Variants in DLST observed in about 807,000 individuals in gnomAD.
DLST encodes dihydrolipoamide S-succinyltransferase, also known as dihydrolipoyllysine-residue succinyltransferase component of 2-oxoglutarate dehydrogenase complex, mitochondrial.
DLST carries 17 observed loss-of-function variants against 53.1 expected under a neutral mutation model. That is an observed-to-expected ratio of 0.32 (90% CI 0.22 to 0.48). DLST has a LOEUF of 0.48. Among genes scored for constraint, DLST ranks in the 20% least tolerant of loss-of-function variants. DLST has a pLI of 0.99. For missense variants in DLST, 512 were observed against 583.9 expected, an observed-to-expected ratio of 0.88 and a Z score of 1.27; for synonymous variants, 206 against 204.8, an observed-to-expected ratio of 1.01 and a Z score of -0.05.
Position 74,898,377 on chromosome 14 carries a change from A to G in DLST, c.779A>G (p.Gln260Arg). ...TTGTAATATTTTCACAGTAACATCCAGGAGATGAGGGCTCGGCACAAAGAG... is the reference window on the plus strand; with the variant it reads ...TTGTAATATTTTCACAGTAACATCCGGGAGATGAGGGCTCGGCACAAAGAG... ...TFNEIDMSNI[Q>R]EMRARHKEAF... is the part of the protein sequence containing the mutation. The change falls in exon 11 of 15, where the codon CAG becomes CGG. Residue 260 changes from glutamine to arginine, a missense_variant. Gln to Arg is a conservative substitution (Grantham distance 43). Transcript: ENST00000334220. The G allele has an allele frequency of 1.2e-6, 2 of 1,611,746 alleles. No homozygotes were observed. Among genetic ancestry groups the G allele is most frequent in the African/African-American group, 1.3e-5 (1 of 74,942 alleles).
chr14:74,898,583 C>A (rs1047511674), intron 11 of DLST, 84 bp downstream of exon 11: 4 of 1,476,710 alleles, frequency 2.7e-6, no homozygotes, highest in East Asian at 2.4e-5. Context: ...AGAGGATCAA[C>A]AGACCAAGGC....
chr14:74,882,676 G>C, intron 2 of DLST, 52 bp downstream of exon 2: 2 of 1,557,032 alleles, frequency 1.3e-6, no homozygotes, highest in Non-Finnish European at 8.9e-7. Context: ...GGGCAGAGCA[G>C]TATGTGAGGA....
At position 74,901,054 on chromosome 14, in the gene DLST, A is replaced by C. The variant is rs745945051; in HGVS notation, c.1060-12A>C. On this transcript the variant is annotated splice_polypyrimidine_tract_variant and intron_variant, in intron 13 of 14. Transcript: ENST00000334220. ...GTTGGCTTGATATTTCAATTATGAA[A>C]TCTGTTTTTAGGCCCGAAAGAATGA... is the stretch of plus-strand genomic sequence containing the variant. The C allele has an allele frequency of 1.2e-5, 20 of 1,612,766 alleles. No homozygotes were observed. The highest frequency in any genetic ancestry group is 1.3e-5 in the Non-Finnish European group (15 of 1,179,478).
rs140349098 is a variant in DLST, at chr14:74,900,674, C to T, written c.1059+302C>T. 4.9e-4 allele frequency among the ~76,000 whole-genome samples: 74 copies of T among 152,334 alleles called. No individual in the cohort carries two copies. The Middle Eastern group carries it at 0.01, about 21-fold the overall frequency. On this transcript the variant is annotated intron_variant, in intron 13 of 14. Transcript: ENST00000334220. The stretch of plus-strand genomic sequence containing the variant: ...ACACCTTAGCCGAACAACTGTCACA[C>T]GGAAGCTAGCGCTTGTGCCATCGAT...
In DLST at chr14:74,894,300, T is replaced by C. The variant is rs1231067537; in HGVS notation, c.673-12T>C. ...ATCAGATTGTCAATGCTTGTTCCAC[T>C]CTTACTTTCAGGAGAAAATGAACAG... is the stretch of plus-strand genomic sequence containing the variant. On this transcript the variant is annotated splice_polypyrimidine_tract_variant and intron_variant, in intron 9 of 14. Transcript: ENST00000334220. 1.2e-6 allele frequency: 2 copies of C among 1,613,850 alleles called. No homozygotes were observed. The highest frequency in any genetic ancestry group is 2.2e-5 in the East Asian group (1 of 44,874).
At chr14:74,900,163 T>C in intron 12 of DLST, 126 bp from the exon 13 acceptor site, 1 of 1,108,568 alleles carries the variant, frequency 9.0e-7, no homozygotes, top group Non-Finnish European at 1.4e-6. Context: ...TTTAACACTT[T>C]CTGTTAATCA....
At chr14:74,902,014 G>C (rs907495977) in intron 14 of DLST, among the ~76,000 whole-genome samples, 182 bp from the exon 15 acceptor site, 2 of 152,210 alleles carry the variant, frequency 1.3e-5, no homozygotes, top group African/African-American at 4.8e-5. Flanking sequence ...CTTTGTTTCT[G>C]AGTGGGGAAG....
At chr14:74,892,781 G>T (rs768772241) in intron 7 of DLST, 53 bp from the exon 8 acceptor site, 206 of 1,534,586 alleles carry the variant, frequency 1.3e-4, no homozygotes, top group Non-Finnish European at 1.7e-4. Context: ...ATTTTGCTTG[G>T]TTGCTTCTCA....
chr14:74,895,109 C>T (rs974692258), intron 10 of DLST, among the ~76,000 whole-genome samples: 3 of 152,062 alleles, frequency 2.0e-5, no homozygotes, highest in Admixed American at 2.0e-4. Context: ...CATCTGTAGC[C>T]CCAGCTACTT....
chr14:74,895,411 C>T (rs1010457154), intron 10 of DLST, among the ~76,000 whole-genome samples: 1 of 152,210 alleles, frequency 6.6e-6, no homozygotes, highest in Non-Finnish European at 1.5e-5. Flanking sequence ...AGAAATTTGA[C>T]AAACGTGTTT....
intron 8 of DLST, 49 bp downstream of exon 8, chr14:74,893,035 A>G: frequency 6.4e-7 from 1 of 1,570,308 alleles, no homozygotes. Flanking sequence ...CTCGTCTAAT[A>G]TGTTCCTTCA....
Position 74,889,961 on chromosome 14 carries a change from A to G in DLST, c.330+9A>G, listed in dbSNP as rs765249158. 1 of 1,613,040 alleles carries G rather than the reference A, an allele frequency of 6.2e-7. No homozygotes were observed. The highest frequency in any genetic ancestry group is 1.3e-5 in the African/African-American group (1 of 74,938). The stretch of plus-strand genomic sequence containing the variant: ...AGATTGAAACTGACAAGGTAGGCTT[A>G]TCTTATATTCGTACCAGCTTTTCAT... On this transcript the variant is annotated intron_variant, in intron 6 of 14. Transcript: ENST00000334220.
At chr14:74,894,166 A>G in intron 9 of DLST, 146 bp from the exon 10 acceptor site, 1 of 897,564 alleles carries the variant, frequency 1.1e-6, no homozygotes, top group East Asian at 2.8e-5. Flanking sequence ...GGGCCACCAC[A>G]GGAAAGGGAA....
chr14:74,882,463 A>G, intron 1 of DLST, 128 bp from the exon 2 acceptor site: 1 of 883,596 alleles, frequency 1.1e-6, no homozygotes, highest in Non-Finnish European at 1.8e-6. Context: ...GGTGTGTTGC[A>G]TTTACCTTCG....
intron 13 of DLST, among the ~76,000 whole-genome samples, chr14:74,900,744 A>T (rs1408691874): frequency 6.6e-6 from 1 of 152,136 alleles, no homozygotes; most frequent in Non-Finnish European, 1.5e-5. Flanking sequence ...TTGTTTTTAG[A>T]GGCAGGGTCT....
At chr14:74,883,567 T>C (rs974403135) in intron 2 of DLST, among the ~76,000 whole-genome samples, 2 of 152,270 alleles carry the variant, frequency 1.3e-5, no homozygotes, top group African/African-American at 4.8e-5. Context: ...TTTTCTGTTA[T>C]ATGCCTAGCC....
At chr14:74,883,487 G>A (rs973902368) in intron 2 of DLST, among the ~76,000 whole-genome samples, 6 of 151,408 alleles carry the variant, frequency 4.0e-5, no homozygotes, top group African/African-American at 9.7e-5. Context: ...GATAGAAGAT[G>A]GTATAGAGAC....
chr14:74,892,690 G>A (rs914726118), intron 7 of DLST, 144 bp from the exon 8 acceptor site: 5 of 770,350 alleles, frequency 6.5e-6, no homozygotes, highest in Non-Finnish European at 1.1e-5. Context: ...GTCATTGTGT[G>A]TGTGTCTCAT....
chr14:74,900,184 T>C, intron 12 of DLST, 105 bp from the exon 13 acceptor site: 3 of 1,161,766 alleles, frequency 2.6e-6, no homozygotes, highest in African/African-American at 1.5e-5. Context: ...CACTGAGTAA[T>C]GAAGGTATTC....
Sources: gnomAD v4.1 joint callset for allele counts (sites outside exome capture counted in the v4.1 genomes callset) on GRCh38, gnomAD v4.1.1 for gene constraint, MANE v1.5 for transcripts, NCBI Gene and HGNC (gene_info 2026-07-23, HGNC 2026-07-21) for gene names.